NEGR1: variants seen among roughly 807,000 people sequenced by gnomAD.
NEGR1 encodes the protein IgLON family member 4.
Under a neutral mutation model 40.9 loss-of-function variants are expected in NEGR1, and 10 were observed. The observed-to-expected ratio is 0.24, with a 90% CI of 0.15 to 0.42. The LOEUF (loss-of-function observed/expected upper bound fraction) is 0.42. NEGR1 is among the 10% of genes least tolerant of loss of function. NEGR1 has a pLI of 1.00. For synonymous variants in NEGR1, 185 were observed against 166.8 expected (o/e 1.11, Z -0.84); for missense variants, 352 against 438.9 (o/e 0.80, Z 1.77).
chr1:72,223,521 G>A (rs1654078072), intron 1 of NEGR1, among the ~76,000 whole-genome samples: 1 of 152,160 alleles, frequency 6.6e-6, no homozygotes, highest in Non-Finnish European at 1.5e-5. Flanking sequence ...CATTCTTGAA[G>A]TATGCTGTTT....
chr1:71,592,760 A>T, intron 6 of NEGR1, 57 bp downstream of exon 6: 1 of 1,407,168 alleles, frequency 7.1e-7, no homozygotes. Context: ...TTATCTCTAC[A>T]GATGGATAGG....
chr1:71,496,370 G>A lies in NEGR1; in HGVS notation c.941-88800C>T, dbSNP rs146209190. The stretch of plus-strand genomic sequence containing the variant: ...AAGATATTCATAGAAACTCAGAAAA[G>A]TTCTGAAATCAGAAATGGTGATGGG... On this transcript the variant is annotated intron_variant, in intron 6 of 6. Coordinates refer to ENST00000357731, the MANE Select transcript of NEGR1 (RefSeq NM_173808.3). 5.6e-3 allele frequency among the ~76,000 whole-genome samples: 851 copies of A among 152,262 alleles called. 3 individuals are homozygous for A. The highest frequency in any genetic ancestry group is 7.8e-3 in the Non-Finnish European group (533 of 68,010).
intron 6 of NEGR1, among the ~76,000 whole-genome samples, chr1:71,578,446 G>T (rs1197501721): frequency 6.6e-6 from 1 of 151,902 alleles, no homozygotes; most frequent in East Asian, 1.9e-4. Flanking sequence ...TGATTTCCAG[G>T]TCACTGAAAT....
At chr1:71,495,315 C>A (rs1646955085) in intron 6 of NEGR1, among the ~76,000 whole-genome samples, 1 of 151,900 alleles carries the variant, frequency 6.6e-6, no homozygotes, top group South Asian at 2.1e-4. Flanking sequence ...CCCATCTCTA[C>A]TGAAATACAG....
intron 3 of NEGR1, among the ~76,000 whole-genome samples, chr1:71,767,741 T>C (rs12752521): frequency 0.83 from 126,083 of 152,112 alleles, 53,352 homozygotes; most frequent in East Asian, 1. Context: ...TCATGGAAGC[T>C]CCTCCCATCA....
chr1:71,797,864 G>T (rs1273323938), intron 2 of NEGR1, among the ~76,000 whole-genome samples: 1 of 151,648 alleles, frequency 6.6e-6, no homozygotes, highest in Non-Finnish European at 1.5e-5. Context: ...TATTTGTGCA[G>T]ATCATTTTTA....
At chr1:72,050,286 A>G (rs1647046658) in intron 1 of NEGR1, among the ~76,000 whole-genome samples, 1 of 151,584 alleles carries the variant, frequency 6.6e-6, no homozygotes, top group South Asian at 2.1e-4. Context: ...CTGTTATTGA[A>G]AGGCATTTAT....
rs369555898 is a variant in NEGR1, at chr1:71,440,989, AAGAC to A, written c.941-33423_941-33420del. Among the ~76,000 whole-genome samples, 433 of 152,352 alleles carry A rather than the reference AAGAC, an allele frequency of 2.8e-3. 3 individuals are homozygous for A. Among genetic ancestry groups the A allele is most frequent in the African/African-American group, 9.8e-3 (406 of 41,582 alleles). ...AAAACAGGATAAAGCAATCAATTAA[AAGAC>A]AGAATTTATAGGGTGCTCACACTGT... On this transcript the variant is annotated intron_variant, in intron 6 of 6. Transcript: ENST00000357731.
Position 71,553,078 on chromosome 1 carries a change from G to C in NEGR1, c.940+39739C>G, listed in dbSNP as rs1317118364. ...TTAAAAAAAACCTAGGCAATTTCCTGTTTCTTTCTTTTATCCTTCTATTAT... is the reference window on the plus strand; with the variant it reads ...TTAAAAAAAACCTAGGCAATTTCCTCTTTCTTTCTTTTATCCTTCTATTAT... On this transcript the variant is annotated intron_variant, in intron 6 of 6. Coordinates refer to ENST00000357731, the MANE Select transcript of NEGR1 (RefSeq NM_173808.3). 7.9e-5 allele frequency among the ~76,000 whole-genome samples: 12 copies of C among 151,442 alleles called. No homozygotes were observed. In the East Asian group the frequency reaches 2.2e-3, roughly 27 times the overall value.
chr1:72,004,080 A>G (rs986177314), intron 1 of NEGR1, among the ~76,000 whole-genome samples: 2 of 152,058 alleles, frequency 1.3e-5, no homozygotes, highest in Non-Finnish European at 2.9e-5. Flanking sequence ...AATGGGGGCA[A>G]TTGAACTTCC....
chr1:72,132,354 G>A (rs908605104), intron 1 of NEGR1, among the ~76,000 whole-genome samples: 1 of 152,156 alleles, frequency 6.6e-6, no homozygotes, highest in South Asian at 2.1e-4. Context: ...AAAAAAGGGA[G>A]CAGGCAAGGA....
chr1:71,614,762 C>T (rs1650388848), intron 4 of NEGR1, among the ~76,000 whole-genome samples: 2 of 152,154 alleles, frequency 1.3e-5, no homozygotes, highest in African/African-American at 4.8e-5. Context: ...AAAACCGGAA[C>T]ATTGCCTGAA....
chr1:71,894,412 T>C (rs1018018575), intron 2 of NEGR1, among the ~76,000 whole-genome samples: 4 of 152,158 alleles, frequency 2.6e-5, no homozygotes, highest in Non-Finnish European at 5.9e-5. Flanking sequence ...TAGCAATTCA[T>C]AATGACAATA....
chr1:72,137,049 C>T (rs551916443), intron 1 of NEGR1, among the ~76,000 whole-genome samples: 6 of 152,208 alleles, frequency 3.9e-5, no homozygotes, highest in African/African-American at 1.4e-4. Flanking sequence ...CAATGAGATA[C>T]CATCTCACAC....
intron 1 of NEGR1, among the ~76,000 whole-genome samples, chr1:72,042,674 C>A (rs1486088): frequency 0.35 from 53,248 of 151,836 alleles, 11,566 homozygotes; most frequent in African/African-American, 0.61. Flanking sequence ...CAATCCTCAC[C>A]ATGCCTCACA....
At chr1:71,915,035 G>C (rs117430007) in intron 2 of NEGR1, among the ~76,000 whole-genome samples, 2,360 of 151,982 alleles carry the variant, frequency 0.016, 45 homozygotes, top group South Asian at 0.1. Flanking sequence ...GAAACCAAAA[G>C]TTTTTTCCAA....
rs549905964 is a variant in NEGR1, at chr1:72,215,220, T to C, written c.176+67099A>G. 3.0e-3 allele frequency among the ~76,000 whole-genome samples: 458 copies of C among 152,238 alleles called. 3 individuals carry two copies. Among genetic ancestry groups the C allele is most frequent in the African/African-American group, 0.011 (438 of 41,550 alleles). On this transcript the variant is annotated intron_variant, in intron 1 of 6. Coordinates refer to ENST00000357731, the MANE Select transcript of NEGR1 (RefSeq NM_173808.3). ...ACCTCATACAAAAATTAACTCAAGATGGATTAGAGACTTAAATGTAAAACC... is the reference window on the plus strand; with the variant it reads ...ACCTCATACAAAAATTAACTCAAGACGGATTAGAGACTTAAATGTAAAACC...
At chr1:72,251,488 T>A (rs561085651) in intron 1 of NEGR1, among the ~76,000 whole-genome samples, 1 of 152,252 alleles carries the variant, frequency 6.6e-6, no homozygotes, top group South Asian at 2.1e-4. Context: ...TTTCAGAAAC[T>A]CCTGGAGATA....
At chr1:71,619,047 T>C (rs1400273913) in intron 4 of NEGR1, among the ~76,000 whole-genome samples, 2 of 152,150 alleles carry the variant, frequency 1.3e-5, no homozygotes, top group African/African-American at 2.4e-5. Flanking sequence ...ACAGATTTCA[T>C]GTAAGGAGAA....
Sources: gnomAD v4.1 joint callset for allele counts (sites outside exome capture counted in the v4.1 genomes callset) on GRCh38, gnomAD v4.1.1 for gene constraint, MANE v1.5 for transcripts, NCBI Gene and HGNC (gene_info 2026-07-23, HGNC 2026-07-21) for gene names.